The following KISS1 variants were observed in gnomAD, a reference collection of about 807,000 sequenced individuals.
KISS1 encodes the protein metastasis-suppressor KiSS-1.
For missense variants in KISS1, 182 were observed against 182.7 expected (o/e 1.00, Z 0.02); for synonymous variants, 97 against 88.7 (o/e 1.09, Z -0.52).
intron 1 of KISS1, among the ~76,000 whole-genome samples, chr1:204,194,077 C>T (rs71631799): frequency 6.6e-6 from 1 of 152,222 alleles, no homozygotes; most frequent in East Asian, 1.9e-4. Flanking sequence ...TGCTCTTGCA[C>T]CCACACCCCC....
Position 204,190,430 on chromosome 1 carries a change from C to CCCCCCCCCCCCT in KISS1, c.*53_*54insAGGGGGGGGGGG. On this transcript the variant is annotated 3_prime_UTR_variant, in exon 3 of 3. Coordinates refer to ENST00000367194, the MANE Select transcript of KISS1 (RefSeq NM_002256.4). ...TACGTCCCCGCCCCCCGCCCCCGCC[C>CCCCCCCCCCCCT]CGCATGCTCTGACTCCTTTGGGGTC... 4 of 1,079,956 alleles carry CCCCCCCCCCCCT rather than the reference C, an allele frequency of 3.7e-6. No homozygotes were observed. The highest frequency in any genetic ancestry group is 1.3e-5 in the South Asian group (1 of 75,054). 66.9% of individuals were successfully genotyped at this position (1,079,956 alleles called of 1,614,324 possible).
chr1:204,194,974 G>A (rs531027800), intron 1 of KISS1, among the ~76,000 whole-genome samples: 1 of 152,166 alleles, frequency 6.6e-6, no homozygotes, highest in East Asian at 1.9e-4. Flanking sequence ...CCGGTTCTCT[G>A]TGCGGAAGCA....
intron 1 of KISS1, among the ~76,000 whole-genome samples, chr1:204,195,258 T>TACACGCATACACC (rs1558254669): frequency 7.7e-5 from 2 of 26,044 alleles, no homozygotes; most frequent in Non-Finnish European, 7.8e-5. Context: ...TACACACACA[T>TACACGCATACACC]CATACACACA....
intron 1 of KISS1, among the ~76,000 whole-genome samples, chr1:204,193,988 C>T (rs1413693604): frequency 2.6e-5 from 4 of 152,206 alleles, no homozygotes; most frequent in Non-Finnish European, 5.9e-5. Flanking sequence ...AGCCGCTCTC[C>T]CTGGGGAAGG....
chr1:204,191,891 A>C (rs947127855), intron 2 of KISS1, among the ~76,000 whole-genome samples: 2 of 152,110 alleles, frequency 1.3e-5, no homozygotes, highest in African/African-American at 4.8e-5. Flanking sequence ...AGAGCCAACA[A>C]CCCTATATCC....
Position 204,190,568 on chromosome 1 carries a change from G to A in KISS1, c.333C>T (p.Asn111=), listed in dbSNP as rs1055582098. Residue 111 remains asparagine, a synonymous_variant, in exon 3 of 3, where the codon AAC becomes AAT. Coordinates refer to ENST00000367194, the MANE Select transcript of KISS1 (RefSeq NM_002256.4). ...GCAGGCCGAAGGAGTTCCAGTTGTA[G>A]TTCGGCAGGTCCTTCTCCCGCTGCA... ...VLVQREKDLP[N]YNWNSFGLRF... The A allele has an allele frequency of 1.2e-6, 2 of 1,606,322 alleles. No individual in the cohort carries two copies. The highest frequency in any genetic ancestry group is 2.7e-5 in the African/African-American group (2 of 74,754).
In KISS1 at chr1:204,195,797, G is replaced by C. The variant is rs564590804; in HGVS notation, c.-39+579C>G. 1.9e-3 allele frequency among the ~76,000 whole-genome samples: 283 copies of C among 151,638 alleles called. 1 individual carries two copies. Among genetic ancestry groups the C allele is most frequent in the African/African-American group, 6.4e-3 (263 of 41,282 alleles). ...ATCGGGGCACTTAACATATATGGTAGAAATGAATTATTTGGAAAGGGGCCA... is the reference window on the plus strand; with the variant it reads ...ATCGGGGCACTTAACATATATGGTACAAATGAATTATTTGGAAAGGGGCCA... On this transcript the variant is annotated intron_variant, in intron 1 of 2. Transcript: ENST00000367194.
Position 204,190,409 on chromosome 1 carries a change from T to TTCCCCCCCCCCCCCCCCC in KISS1, c.*74_*75insGGGGGGGGGGGGGGGGGA. 4 of 570,138 alleles carry TTCCCCCCCCCCCCCCCCC rather than the reference T, an allele frequency of 7.0e-6. No individual in the cohort carries two copies. Among genetic ancestry groups the TTCCCCCCCCCCCCCCCCC allele is most frequent in the Non-Finnish European group, 9.4e-6 (3 of 320,588 alleles). The allele number at this position is 570,138 out of a possible 1,614,324, so 35.3% of individuals were successfully genotyped here. A position where few individuals can be genotyped will look rare whatever the true frequency, so the allele number is the denominator to read the frequency against. ...CAGCGCCCCCTCCCTTAGCCCTACG[T>TTCCCCCCCCCCCCCCCCC]CCCCGCCCCCCGCCCCCGCCCCGCA... On this transcript the variant is annotated 3_prime_UTR_variant, in exon 3 of 3. Coordinates refer to ENST00000367194, the MANE Select transcript of KISS1 (RefSeq NM_002256.4).
intron 1 of KISS1, among the ~76,000 whole-genome samples, chr1:204,194,008 G>A (rs1364925582): frequency 6.6e-6 from 1 of 152,168 alleles, no homozygotes; most frequent in Non-Finnish European, 1.5e-5. Flanking sequence ...GGGGACTGGG[G>A]GATGAGAACC....
At chr1:204,191,510 G>T (rs565935386) in intron 2 of KISS1, among the ~76,000 whole-genome samples, 1 of 152,238 alleles carries the variant, frequency 6.6e-6, no homozygotes, top group African/African-American at 2.4e-5. Context: ...TCACATGCAA[G>T]GCTCATTAAG....
At chr1:204,190,886 C>A in intron 2 of KISS1, 89 bp from the exon 3 acceptor site, 4 of 1,149,592 alleles carry the variant, frequency 3.5e-6, no homozygotes, top group Non-Finnish European at 5.0e-6. Flanking sequence ...TCCTTCTTTT[C>A]CTTCCTTGAC....
At position 204,190,409 on chromosome 1, in the gene KISS1, T is replaced by TCGCCCCCC; in HGVS notation, c.*74_*75insGGGGGGCG. On this transcript the variant is annotated 3_prime_UTR_variant, in exon 3 of 3. Coordinates refer to ENST00000367194, the MANE Select transcript of KISS1 (RefSeq NM_002256.4). ...CAGCGCCCCCTCCCTTAGCCCTACG[T>TCGCCCCCC]CCCCGCCCCCCGCCCCCGCCCCGCA... 3.5e-6 allele frequency: 2 copies of TCGCCCCCC among 570,142 alleles called. No homozygotes were observed. The highest frequency in any genetic ancestry group is 5.0e-5 in the African/African-American group (2 of 40,318). The allele number at this position is 570,142 out of a possible 1,614,324, so 35.3% of individuals were successfully genotyped here.
chr1:204,193,515 A>C lies in KISS1; in HGVS notation c.-38-601T>G, dbSNP rs537681739. 1.8e-3 allele frequency among the ~76,000 whole-genome samples: 277 copies of C among 152,198 alleles called. 1 individual carries two copies. The highest frequency in any genetic ancestry group is 6.3e-3 in the African/African-American group (260 of 41,508). The stretch of plus-strand genomic sequence containing the variant: ...TTCTCTCCTGCTGTAAGAGAAACTT[A>C]TTTCTTTTTCTTTTATAAGGAAAAA... On this transcript the variant is annotated intron_variant, in intron 1 of 2. Transcript: ENST00000367194.
intron 1 of KISS1, among the ~76,000 whole-genome samples, chr1:204,195,270 A>ACACCACACACACCACACACATATACG (rs1658827243): frequency 2.2e-3 from 3 of 1,374 alleles, no homozygotes; most frequent in Non-Finnish European, 3.2e-3. Flanking sequence ...ATACACACAC[A>ACACCACACACACCACACACATATACG]CATACACCAC....
chr1:204,193,000 G>C lies in KISS1; in HGVS notation c.-38-86C>G, dbSNP rs138634450. 1.4e-6 allele frequency: 1 copy of C among 731,286 alleles called. No homozygotes were observed. The highest frequency in any genetic ancestry group is 2.4e-6 in the Non-Finnish European group (1 of 411,116). The allele number at this position is 731,286 out of a possible 1,614,324, so 45.3% of individuals were successfully genotyped here. A position where few individuals can be genotyped will look rare whatever the true frequency, so the allele number is the denominator to read the frequency against. On this transcript the variant is annotated intron_variant, in intron 1 of 2. Coordinates refer to ENST00000367194, the MANE Select transcript of KISS1 (RefSeq NM_002256.4). The surrounding 1 kb of genome is among the most constrained non-coding windows in gnomAD (Gnocchi z 4.2). Reference sequence around the variant, plus strand: ...GGCAGAGCCCAGTGCAAAAGGGACAGTCCTCCAAGAGAGGGGCAAGTTCTT... The same window carrying C: ...GGCAGAGCCCAGTGCAAAAGGGACACTCCTCCAAGAGAGGGGCAAGTTCTT...
intron 1 of KISS1, among the ~76,000 whole-genome samples, chr1:204,195,271 CATA>C (rs1658827335): frequency 7.8e-3 from 9 of 1,150 alleles, no homozygotes; most frequent in South Asian, 0.042. Flanking sequence ...TACACACACA[CATA>C]CACCACACAC....
At chr1:204,191,757 C>T (rs112271490) in intron 2 of KISS1, among the ~76,000 whole-genome samples, 6 of 152,336 alleles carry the variant, frequency 3.9e-5, no homozygotes, top group African/African-American at 9.6e-5. Flanking sequence ...GTCCCTCAGC[C>T]CTTGCCCAGG....
At chr1:204,195,146 A>AC (rs201172599) in intron 1 of KISS1, among the ~76,000 whole-genome samples, 25 of 3,826 alleles carry the variant, frequency 6.5e-3, no homozygotes, top group Admixed American at 0.019. Context: ...ACACACACAC[A>AC]CCCCCCACAC....
At chr1:204,195,851 T>C (rs1277004029) in intron 1 of KISS1, among the ~76,000 whole-genome samples, 5 of 152,186 alleles carry the variant, frequency 3.3e-5, no homozygotes, top group Admixed American at 6.5e-5. Flanking sequence ...TAGACAATTT[T>C]TGTGGTTCCC....
Sources: gnomAD v4.1 joint callset for allele counts (sites outside exome capture counted in the v4.1 genomes callset) on GRCh38, gnomAD v4.1.1 for gene constraint, Gnocchi (gnomAD v3.1) non-coding constraint, MANE v1.5 for transcripts, NCBI Gene and HGNC (gene_info 2026-07-23, HGNC 2026-07-21) for gene names.